APBA1: variants seen among roughly 807,000 people sequenced by gnomAD.
The protein encoded by APBA1 is amyloid beta precursor protein binding family A member 1.
In APBA1, 55 loss-of-function variants were observed where a neutral mutation model predicts 86.6. The observed-to-expected ratio is 0.64, with a 90% confidence interval of 0.51 to 0.80. The LOEUF is 0.80. APBA1 is among the 30% of genes least tolerant of loss of function. APBA1 has a pLI of 0.00. For missense variants in APBA1, 1,090 were observed against 1,183.0 expected (o/e 0.92, Z 1.15); for synonymous variants, 511 against 493.9 (o/e 1.03, Z -0.46).
At chr9:69,447,556 C>G (rs1049643834) in intron 10 of APBA1, among the ~76,000 whole-genome samples, 6 of 152,182 alleles carry the variant, frequency 3.9e-5, no homozygotes, top group Non-Finnish European at 8.8e-5. Flanking sequence ...AGTCTCCATA[C>G]ATTTTGGGGG....
At chr9:69,568,170 G>A (rs1340214735) in intron 1 of APBA1, among the ~76,000 whole-genome samples, 5 of 152,138 alleles carry the variant, frequency 3.3e-5, no homozygotes, top group Non-Finnish European at 7.3e-5. Context: ...AAAGCCACAA[G>A]GGCTTCCTGA....
At chr9:69,528,757 CAT>C (rs777194621) in intron 1 of APBA1, among the ~76,000 whole-genome samples, 2 of 151,904 alleles carry the variant, frequency 1.3e-5, no homozygotes, top group African/African-American at 2.4e-5. Flanking sequence ...CACACACACA[CAT>C]ACGTACACAC....
chr9:69,657,373 C>T (rs1823633825), intron 1 of APBA1, among the ~76,000 whole-genome samples: 1 of 152,216 alleles, frequency 6.6e-6, no homozygotes, highest in Non-Finnish European at 1.5e-5. Context: ...CCAGTTATTA[C>T]TTAGGTTTCT....
In APBA1 at chr9:69,432,470, G is replaced by A. The variant is rs562907697; in HGVS notation, c.2442+66C>T. The A allele has an allele frequency of 1.9e-3, 2,724 of 1,399,156 alleles. 7 individuals carry two copies. The highest frequency in any genetic ancestry group is 2.3e-3 in the Middle Eastern group (11 of 4,822). 86.7% of individuals were successfully genotyped at this position (1,399,156 alleles called of 1,614,324 possible). On this transcript the variant is annotated intron_variant, in intron 12 of 12. Transcript: ENST00000265381. ...TGGAAGGTCTGCTCAGGGCCACGGT[G>A]AGCATACGAGGCAGGGGCACCAGAC...
rs537633369 is a variant in APBA1, at chr9:69,473,173, TA to T, written c.1297-1479del. ...CCAAATAAAAGCCAGGATATGTGGA[TA>T]GGGGGAAAGAGAACTCCAGTTTCAG... On this transcript the variant is annotated intron_variant, in intron 3 of 12. Transcript: ENST00000265381. Among the ~76,000 whole-genome samples the T allele has an allele frequency of 1.6e-4, 24 of 152,302 alleles. 1 individual carries two copies. In the South Asian group the frequency reaches 4.4e-3, roughly 28 times the overall value.
chr9:69,545,062 A>G (rs1836676115), intron 1 of APBA1, among the ~76,000 whole-genome samples: 2 of 152,146 alleles, frequency 1.3e-5, no homozygotes, highest in South Asian at 4.1e-4. Context: ...CTAGGGGTAG[A>G]CCCCTCACCC....
intron 2 of APBA1, among the ~76,000 whole-genome samples, chr9:69,500,964 G>T (rs928727145): frequency 2.2e-4 from 34 of 152,088 alleles, no homozygotes; most frequent in African/African-American, 8.2e-4. Flanking sequence ...GTCACAAAAA[G>T]TCTATTTTCA....
Position 69,516,750 on chromosome 9 carries a change from G to C in APBA1, c.461C>G (p.Ser154Trp), listed in dbSNP as rs1327690864. 1 of 1,611,906 alleles carries C rather than the reference G, an allele frequency of 6.2e-7. No individual in the cohort carries two copies. The highest frequency in any genetic ancestry group is 1.3e-5 in the African/African-American group (1 of 74,910). ...RALPNHLHFH[S>W]LEHEEAMNAA... ...ATTCATGGCTTCCTCGTGCTCCAGC[G>C]AGTGGAAGTGCAGGTGGTTGGGCAG... The change falls in exon 2 of 13, where the codon TCG becomes TGG. Residue 154 changes from serine (S) to tryptophan (W), a missense_variant. This residue lies in a region of APBA1 where 678 missense variants were observed against 647.1 expected (regional missense o/e 1.05). Transcript: ENST00000265381. This position sits in a 1 kb window ranked among gnomAD's most constrained non-coding sequence, Gnocchi z 7.3.
chr9:69,627,437 A>G (rs961188020), intron 1 of APBA1, among the ~76,000 whole-genome samples: 10 of 152,142 alleles, frequency 6.6e-5, no homozygotes, highest in African/African-American at 2.2e-4. Flanking sequence ...CTAATTTTAT[A>G]GCAAAAAAGG....
rs1836158661 is a variant in APBA1 at position 69,516,651 on chromosome 9, T to C, written c.560A>G (p.Tyr187Cys). The C allele has an allele frequency of 3.1e-6, 5 of 1,609,348 alleles. No individual in the cohort carries two copies. Among genetic ancestry groups the C allele is most frequent in the Admixed American group, 1.7e-5 (1 of 59,860 alleles). ...RGEDEPYSEP[Y>C]ADYGGLQEHV... Reference sequence around the variant, plus strand: ...CTCCTGGAGGCCGCCGTAGTCGGCATAGGGCTCGGAGTAGGGCTCGTCCTC... The same window carrying C: ...CTCCTGGAGGCCGCCGTAGTCGGCACAGGGCTCGGAGTAGGGCTCGTCCTC... The change falls in exon 2 of 13, where the codon TAT becomes TGT. Residue 187 changes from tyrosine (Y) to cysteine (C), a missense_variant. Coordinates refer to ENST00000265381, the MANE Select transcript of APBA1 (RefSeq NM_001163.4). The surrounding 1 kb of genome is among the most constrained non-coding windows in gnomAD (Gnocchi z 7.3).
chr9:69,574,222 T>G (rs190691463), intron 1 of APBA1, among the ~76,000 whole-genome samples: 1 of 152,200 alleles, frequency 6.6e-6, no homozygotes, highest in African/African-American at 2.4e-5. Flanking sequence ...CCTGGGTCCA[T>G]ACCGCCCTGA....
At chr9:69,447,672 A>G (rs1834932383) in intron 10 of APBA1, among the ~76,000 whole-genome samples, 2 of 152,142 alleles carry the variant, frequency 1.3e-5, no homozygotes, top group Non-Finnish European at 2.9e-5. Flanking sequence ...AGGCTGTATG[A>G]CCACAGACGA....
intron 2 of APBA1, among the ~76,000 whole-genome samples, chr9:69,510,238 T>C (rs1836009374): frequency 6.6e-6 from 1 of 151,632 alleles, no homozygotes; most frequent in Non-Finnish European, 1.5e-5. Context: ...GGATACAAAA[T>C]CAATGTATAA....
At chr9:69,619,604 A>C (rs965451292) in intron 1 of APBA1, among the ~76,000 whole-genome samples, 2 of 152,234 alleles carry the variant, frequency 1.3e-5, no homozygotes, top group Non-Finnish European at 2.9e-5. Context: ...CAAAGAGCAC[A>C]CAAAAAATCA....
At chr9:69,613,392 C>T (rs568651998) in intron 1 of APBA1, among the ~76,000 whole-genome samples, 2 of 152,160 alleles carry the variant, frequency 1.3e-5, no homozygotes, top group South Asian at 4.1e-4. Context: ...GGTTTAAGGC[C>T]GGAAATGCTA....
intron 1 of APBA1, among the ~76,000 whole-genome samples, chr9:69,623,513 C>G (rs563196110): frequency 6.6e-6 from 1 of 152,132 alleles, no homozygotes; most frequent in East Asian, 1.9e-4. Flanking sequence ...CGATTTAAAG[C>G]AGGAAGTGGA....
intron 1 of APBA1, among the ~76,000 whole-genome samples, chr9:69,573,850 G>T (rs1837153799): frequency 6.6e-6 from 1 of 152,202 alleles, no homozygotes; most frequent in African/African-American, 2.4e-5. Context: ...CAGACAGCTG[G>T]CTGTGAAATG....
rs549086703 is a variant in APBA1, at chr9:69,457,668, C to A, written c.1515+488G>T. 7.9e-5 allele frequency among the ~76,000 whole-genome samples: 12 copies of A among 152,238 alleles called. No homozygotes were observed. In the South Asian group the frequency reaches 1.2e-3, roughly 16 times the overall value. ...TGAAGCCACCCCATTAAGAAAGAGC[C>A]CCAATGCCTCAACGTCCCAGGAGTA... On this transcript the variant is annotated intron_variant, in intron 6 of 12. Coordinates refer to ENST00000265381, the MANE Select transcript of APBA1 (RefSeq NM_001163.4).
Position 69,663,232 on chromosome 9 carries a change from T to C in APBA1, c.-70+8921A>G, listed in dbSNP as rs149300618. Reference sequence around the variant, plus strand: ...ATAATAAAGGACAAGTATTGTTGAGTGAAACTTGTTTCAGTGATGTATGTG... The same window carrying C: ...ATAATAAAGGACAAGTATTGTTGAGCGAAACTTGTTTCAGTGATGTATGTG... On this transcript the variant is annotated intron_variant, in intron 1 of 12. Transcript: ENST00000265381. Among the ~76,000 whole-genome samples the C allele has an allele frequency of 4.0e-3, 608 of 152,334 alleles. 4 individuals carry two copies. The highest frequency in any genetic ancestry group is 0.01 in the Middle Eastern group (3 of 294).
Sources: gnomAD v4.1 joint callset for allele counts (sites outside exome capture counted in the v4.1 genomes callset) on GRCh38, gnomAD v4.1.1 for gene constraint, gnomAD v4.1.1 regional missense constraint, Gnocchi (gnomAD v3.1) non-coding constraint, MANE v1.5 for transcripts, NCBI Gene and HGNC (gene_info 2026-07-23, HGNC 2026-07-21) for gene names.